PHTF2: variants seen among roughly 807,000 people sequenced by gnomAD.
The protein encoded by PHTF2 is protein PHTF2.
Under a neutral mutation model 101.2 loss-of-function variants are expected in PHTF2, and 60 were observed. That is an observed-to-expected ratio of 0.59 (90% CI 0.48 to 0.73). PHTF2 has a LOEUF of 0.73. PHTF2 is among the 30% of genes least tolerant of loss of function. The probability of loss-of-function intolerance (pLI) is 0.00; values close to 1 mark genes in which losing one functional copy is unlikely to be tolerated. For synonymous variants in PHTF2, 311 were observed against 307.3 expected (o/e 1.01, Z -0.13); for missense variants, 747 against 908.7 (o/e 0.82, Z 2.29).
At chr7:77,944,182 GAGTGA>G (rs1190413487) in intron 16 of PHTF2, among the ~76,000 whole-genome samples, 1 of 151,898 alleles carries the variant, frequency 6.6e-6, no homozygotes, top group African/African-American at 2.4e-5. Context: ...GAGAATAAGA[GAGTGA>G]AGTACATTGC....
intron 2 of PHTF2, among the ~76,000 whole-genome samples, chr7:77,845,918 A>G (rs1432939903): frequency 6.6e-6 from 1 of 152,210 alleles, no homozygotes; most frequent in Non-Finnish European, 1.5e-5. Context: ...CTCAGGGTTT[A>G]CTTAATCCCA....
chr7:77,815,524 T>C (rs190198442), intron 1 of PHTF2, among the ~76,000 whole-genome samples: 4 of 152,370 alleles, frequency 2.6e-5, no homozygotes, highest in East Asian at 3.9e-4. Flanking sequence ...GAGATAGTTA[T>C]ACAAAATTTA....
intron 1 of PHTF2, among the ~76,000 whole-genome samples, chr7:77,824,787 T>C (rs6465848): frequency 0.58 from 88,652 of 151,810 alleles, 27,872 homozygotes; most frequent in African/African-American, 0.83. Context: ...AATCCTAACA[T>C]TTTGGGCTGC....
rs544943410 is a variant in PHTF2 at position 77,954,375 on chromosome 7, A to C, written c.2337+481A>C. ...TCTCGAACTCCTGACCTCAAGTGAT[A>C]CACCCACCTTGGCCTCCCAGAGTGC... On this transcript the variant is annotated intron_variant, in intron 19 of 19. Coordinates refer to ENST00000416283, the Ensembl canonical transcript of PHTF2. 1.3e-4 allele frequency among the ~76,000 whole-genome samples: 20 copies of C among 152,090 alleles called. No individual in the cohort carries two copies. In the East Asian group the frequency reaches 3.9e-3, roughly 29 times the overall value.
At chr7:77,927,062 G>C (rs1010968515) in intron 11 of PHTF2, among the ~76,000 whole-genome samples, 5 of 149,900 alleles carry the variant, frequency 3.3e-5, no homozygotes, top group African/African-American at 4.9e-5. Context: ...GGAGGCTGAG[G>C]CAGGAGAATT....
At chr7:77,911,984 G>A (rs969164730) in intron 9 of PHTF2, among the ~76,000 whole-genome samples, 6 of 152,170 alleles carry the variant, frequency 3.9e-5, no homozygotes, top group East Asian at 3.9e-4. Flanking sequence ...TATAAATAGC[G>A]TAATGGATAT....
intron 11 of PHTF2, 121 bp from the exon 11 acceptor site, chr7:77,928,988 A>G (rs1804314848): frequency 4.7e-6 from 3 of 638,778 alleles, no homozygotes; most frequent in South Asian, 4.1e-5. Context: ...CTGTCTCACT[A>G]TCTTTTGAGG....
At chr7:77,826,452 T>C (rs1005324494) in intron 1 of PHTF2, among the ~76,000 whole-genome samples, 1 of 152,158 alleles carries the variant, frequency 6.6e-6, no homozygotes, top group Non-Finnish European at 1.5e-5. Flanking sequence ...GTATGGTGGC[T>C]TCACCCAAGG....
At chr7:77,805,836 T>A (rs1299229326) in intron 1 of PHTF2, among the ~76,000 whole-genome samples, 3 of 152,250 alleles carry the variant, frequency 2.0e-5, no homozygotes, top group African/African-American at 7.2e-5. Context: ...CTTTGGCAAA[T>A]GATTCATTCA....
chr7:77,895,412 A>G (rs2150807446), intron 5 of PHTF2, among the ~76,000 whole-genome samples: 1 of 152,214 alleles, frequency 6.6e-6, no homozygotes, highest in South Asian at 2.1e-4. Context: ...GAGAGTATGA[A>G]GAAGAGTTGG....
intron 2 of PHTF2, among the ~76,000 whole-genome samples, chr7:77,843,364 T>G (rs1056398935): frequency 6.6e-6 from 1 of 152,234 alleles, no homozygotes; most frequent in African/African-American, 2.4e-5. Context: ...TTGCAGTCAG[T>G]CATATTCAGG....
At position 77,902,235 on chromosome 7, in the gene PHTF2, C is replaced by T. The variant is rs529707804; in HGVS notation, c.445+315C>T. On this transcript the variant is annotated intron_variant, in intron 7 of 19. Coordinates refer to ENST00000416283, the Ensembl canonical transcript of PHTF2. ...ACATACCAGTCTTTTAAAAATACAA[C>T]CTATACAAGTTTATTATTCCTGCCA... Among the ~76,000 whole-genome samples, 20 of 152,210 alleles carry T rather than the reference C, an allele frequency of 1.3e-4. No individual in the cohort carries two copies. The East Asian group carries it at 3.9e-3, about 29-fold the overall frequency.
intron 1 of PHTF2, among the ~76,000 whole-genome samples, chr7:77,813,908 G>A (rs1054764615): frequency 7.2e-5 from 11 of 152,268 alleles, no homozygotes; most frequent in Non-Finnish European, 1.6e-4. Flanking sequence ...ATGAATTGAT[G>A]ATCTGGACAT....
intron 5 of PHTF2, among the ~76,000 whole-genome samples, chr7:77,894,868 C>T (rs1279058553): frequency 6.6e-6 from 1 of 151,968 alleles, no homozygotes; most frequent in Non-Finnish European, 1.5e-5. Context: ...GCAGGACTCC[C>T]CAAGGAGTTT....
intron 2 of PHTF2, among the ~76,000 whole-genome samples, chr7:77,848,030 T>C (rs1796445555): frequency 1.3e-5 from 2 of 152,220 alleles, no homozygotes; most frequent in Non-Finnish European, 2.9e-5. Flanking sequence ...TTGTTGCACA[T>C]GTCGGGATCT....
At chr7:77,860,939 C>T (rs998537) in intron 3 of PHTF2, among the ~76,000 whole-genome samples, 16,634 of 151,928 alleles carry the variant, frequency 0.11, 1,320 homozygotes, top group African/African-American at 0.22. Flanking sequence ...CCTGGGCTCA[C>T]GTTATCCTCC....
At chr7:77,920,220 C>G in intron 9 of PHTF2, 59 bp from the exon 9 acceptor site, 1 of 853,220 alleles carries the variant, frequency 1.2e-6, no homozygotes, top group Non-Finnish European at 1.8e-6. Context: ...TAATTTCTAT[C>G]AGTAACCTAT....
intron 1 of PHTF2, among the ~76,000 whole-genome samples, chr7:77,828,361 A>C (rs986256669): frequency 6.6e-6 from 1 of 152,250 alleles, no homozygotes; most frequent in African/African-American, 2.4e-5. Context: ...GGAATGGTAG[A>C]GTAAATTAAT....
chr7:77,881,642 A>T (rs1229357449), intron 3 of PHTF2, among the ~76,000 whole-genome samples: 1 of 151,888 alleles, frequency 6.6e-6, no homozygotes, highest in Non-Finnish European at 1.5e-5. Context: ...AAGTGCTGGG[A>T]TTATAGATGT....
Sources: allele counts gnomAD v4.1 joint callset (sites outside exome capture counted in the v4.1 genomes callset), GRCh38; gene constraint gnomAD v4.1.1; transcripts MANE v1.5; gene names NCBI Gene and HGNC (gene_info 2026-07-23, HGNC 2026-07-21).